The following RBFOX1 variants were observed in gnomAD, a reference collection of about 807,000 sequenced individuals.
RBFOX1 encodes the protein RNA binding fox-1 homolog 1.
RBFOX1 carries 8 observed loss-of-function variants against 57.7 expected under a neutral mutation model. That is an observed-to-expected ratio of 0.14 (90% CI 0.08 to 0.25). The LOEUF (loss-of-function observed/expected upper bound fraction) is 0.25, where lower values mean the gene tolerates loss of function less well. RBFOX1 is among the 10% of genes least tolerant of loss of function. The pLI, the probability that RBFOX1 is intolerant of heterozygous loss-of-function variation, is 1.00. For missense variants in RBFOX1, 611 were observed against 548.5 expected (o/e 1.11, Z -1.14); for synonymous variants, 326 against 222.4 (o/e 1.47, Z -4.15).
At chr16:7,477,212 G>T (rs1036124329) in intron 4 of RBFOX1, among the ~76,000 whole-genome samples, 1 of 152,124 alleles carries the variant, frequency 6.6e-6, no homozygotes, top group East Asian at 1.9e-4. Flanking sequence ...TCTGTCTCTT[G>T]GGTTGTTCAG....
intron 14 of RBFOX1, among the ~76,000 whole-genome samples, chr16:7,684,596 A>C (rs964084462): frequency 6.8e-5 from 10 of 148,112 alleles, no homozygotes; most frequent in Non-Finnish European, 1.5e-4. Context: ...CAGTGGTTCT[A>C]ACGGGTCTTG....
At chr16:6,285,023 C>T (rs1238958801) in intron 1 of RBFOX1, among the ~76,000 whole-genome samples, 1 of 152,080 alleles carries the variant, frequency 6.6e-6, no homozygotes, top group African/African-American at 2.4e-5. Context: ...TCACAGTTAG[C>T]CAGTCTTAAA....
At chr16:7,298,100 C>G (rs2095938654) in intron 4 of RBFOX1, among the ~76,000 whole-genome samples, 1 of 151,912 alleles carries the variant, frequency 6.6e-6, no homozygotes, top group African/African-American at 2.4e-5. Context: ...GAGATTTTTC[C>G]AAGGAAAGAC....
intron 4 of RBFOX1, among the ~76,000 whole-genome samples, chr16:7,122,435 A>G (rs1463773131): frequency 1.3e-5 from 2 of 152,128 alleles, no homozygotes; most frequent in Non-Finnish European, 2.9e-5. Context: ...TCATCAGGCA[A>G]AAACCTAAAA....
At chr16:6,283,142 C>G (rs1337095432) in intron 1 of RBFOX1, among the ~76,000 whole-genome samples, 4 of 152,120 alleles carry the variant, frequency 2.6e-5, no homozygotes, top group Non-Finnish European at 5.9e-5. Context: ...GTCTGGGTAA[C>G]ATAGTGAGAC....
chr16:6,973,021 C>T (rs1192252108), intron 3 of RBFOX1, among the ~76,000 whole-genome samples: 4 of 152,110 alleles, frequency 2.6e-5, no homozygotes, highest in Non-Finnish European at 4.4e-5. Context: ...ATCCCAGCTA[C>T]TTGGGAGGCT....
chr16:6,988,275 C>G (rs2090725829), intron 3 of RBFOX1, among the ~76,000 whole-genome samples: 2 of 152,224 alleles, frequency 1.3e-5, no homozygotes, highest in Non-Finnish European at 2.9e-5. Flanking sequence ...TCAGCAAAGC[C>G]CTATAGACCT....
intron 3 of RBFOX1, among the ~76,000 whole-genome samples, chr16:5,844,746 G>T (rs1188307546): frequency 6.6e-6 from 1 of 152,206 alleles, no homozygotes; most frequent in African/African-American, 2.4e-5. Flanking sequence ...AATAAAAAGA[G>T]GGAGAAGATT....
intron 1 of RBFOX1, among the ~76,000 whole-genome samples, chr16:6,056,631 G>T (rs2095618032): frequency 6.6e-6 from 1 of 152,162 alleles, no homozygotes; most frequent in Non-Finnish European, 1.5e-5. Flanking sequence ...CAGGAGAGGA[G>T]ACTGGCGTGG....
intron 4 of RBFOX1, among the ~76,000 whole-genome samples, chr16:5,956,490 C>G (rs2059642021): frequency 6.6e-6 from 1 of 151,472 alleles, no homozygotes; most frequent in Non-Finnish European, 1.5e-5. Flanking sequence ...CATGAATGCC[C>G]TGGAGCTCCT....
chr16:6,623,699 G>GT (rs1046569412), intron 2 of RBFOX1, among the ~76,000 whole-genome samples: 3 of 151,946 alleles, frequency 2.0e-5, no homozygotes, highest in Non-Finnish European at 4.4e-5. Context: ...GCGGTGTTTG[G>GT]TTTTTTGTCC....
intron 4 of RBFOX1, among the ~76,000 whole-genome samples, chr16:7,312,109 G>A (rs747673808): frequency 1.6e-4 from 25 of 152,376 alleles, no homozygotes; most frequent in Non-Finnish European, 2.9e-4. Flanking sequence ...GCCGGGCGCA[G>A]TGGCCCACGC....
At chr16:5,287,736 C>G (rs191152477) in intron 1 of RBFOX1, among the ~76,000 whole-genome samples, 1 of 152,280 alleles carries the variant, frequency 6.6e-6, no homozygotes, top group African/African-American at 2.4e-5. Context: ...AATGAATGCA[C>G]AGTTTCCAAG....
intron 4 of RBFOX1, among the ~76,000 whole-genome samples, chr16:7,316,061 G>T (rs926232940): frequency 2.0e-4 from 30 of 152,088 alleles, no homozygotes; most frequent in Admixed American, 7.2e-4. Context: ...AGTTCTTCCT[G>T]GCTTTGTGAG....
intron 4 of RBFOX1, among the ~76,000 whole-genome samples, chr16:7,196,723 G>C (rs1324133168): frequency 6.6e-6 from 1 of 152,158 alleles, no homozygotes; most frequent in Non-Finnish European, 1.5e-5. Flanking sequence ...GAGTCATGCT[G>C]CAAAGTGAGT....
chr16:7,269,816 C>T (rs902163456), intron 4 of RBFOX1, among the ~76,000 whole-genome samples: 6 of 152,138 alleles, frequency 3.9e-5, no homozygotes, highest in African/African-American at 1.2e-4. Flanking sequence ...CATCTTTATA[C>T]TTTGTGAATA....
intron 3 of RBFOX1, among the ~76,000 whole-genome samples, chr16:7,023,384 C>A (rs1050588681): frequency 1.3e-5 from 2 of 150,832 alleles, no homozygotes; most frequent in African/African-American, 4.9e-5. Flanking sequence ...TGCTTGAACC[C>A]AGGAGGCAGA....
intron 2 of RBFOX1, among the ~76,000 whole-genome samples, chr16:6,322,532 C>G (rs1393071200): frequency 6.6e-6 from 1 of 152,112 alleles, no homozygotes; most frequent in East Asian, 1.9e-4. Flanking sequence ...TTTATTTCAG[C>G]TACTTGATTG....
At chr16:5,778,780 C>T (rs374008154) in intron 3 of RBFOX1, among the ~76,000 whole-genome samples, 2 of 152,148 alleles carry the variant, frequency 1.3e-5, no homozygotes, top group African/African-American at 4.8e-5. Flanking sequence ...TAACTCCCAC[C>T]CCTCAGCCAC....
Sources: gnomAD v4.1 joint callset for allele counts (sites outside exome capture counted in the v4.1 genomes callset) on GRCh38, gnomAD v4.1.1 for gene constraint, MANE v1.5 for transcripts, NCBI Gene and HGNC (gene_info 2026-07-23, HGNC 2026-07-21) for gene names.